The following SDK1 variants were observed in gnomAD, a reference collection of about 807,000 sequenced individuals.
SDK1 encodes sidekick cell adhesion molecule 1.
In SDK1, 157 loss-of-function variants were observed where a neutral mutation model predicts 245.5. That is an observed-to-expected ratio of 0.64 (90% CI 0.56 to 0.73). SDK1 has a LOEUF of 0.73. SDK1 is among the 30% of genes least tolerant of loss of function. The probability of loss-of-function intolerance (pLI) is 0.00; values close to 1 mark genes in which losing one functional copy is unlikely to be tolerated. For missense variants in SDK1, 3,583 were observed against 3,002.3 expected (o/e 1.19, Z -4.52); for synonymous variants, 1,647 against 1,278.5 (o/e 1.29, Z -6.15).
intron 4 of SDK1, among the ~76,000 whole-genome samples, chr7:3,712,695 C>G (rs552502946): frequency 2.0e-5 from 3 of 152,256 alleles, no homozygotes; most frequent in African/African-American, 7.2e-5. Context: ...TATGAACAGA[C>G]ATTTACTGGG....
Position 4,241,687 on chromosome 7 carries a change from C to T in SDK1, c.6131-106C>T, listed in dbSNP as rs141500044. On this transcript the variant is annotated intron_variant, in intron 42 of 44. Transcript: ENST00000404826. Reference sequence around the variant, plus strand: ...CAGGTATCCTCAGCTCTGGGCTCTGCGTGCAGCAGGACTCAGGAGCTGCCC... The same window carrying T: ...CAGGTATCCTCAGCTCTGGGCTCTGTGTGCAGCAGGACTCAGGAGCTGCCC... The T allele has an allele frequency of 1.2e-3, 1,695 of 1,399,020 alleles. 14 individuals carry two copies. In the African/African-American group the frequency reaches 0.021, roughly 17 times the overall value. 86.7% of individuals were successfully genotyped at this position (1,399,020 alleles called of 1,614,324 possible).
At chr7:3,766,843 G>T (rs1170177182) in intron 4 of SDK1, among the ~76,000 whole-genome samples, 2 of 152,166 alleles carry the variant, frequency 1.3e-5, no homozygotes, top group African/African-American at 4.8e-5. Flanking sequence ...TGGAATTAAA[G>T]ATATAAATGA....
At chr7:4,106,992 A>T (rs1350059725) in intron 22 of SDK1, among the ~76,000 whole-genome samples, 2 of 151,912 alleles carry the variant, frequency 1.3e-5, no homozygotes, top group Non-Finnish European at 2.9e-5. Flanking sequence ...GACTGAATCC[A>T]TACATGCCGA....
At chr7:3,626,520 C>A (rs1047164888) in intron 2 of SDK1, among the ~76,000 whole-genome samples, 2 of 152,220 alleles carry the variant, frequency 1.3e-5, no homozygotes, top group African/African-American at 4.8e-5. Flanking sequence ...GTCGAATTTG[C>A]TTGGTGCTGG....
intron 9 of SDK1, 56 bp from the exon 10 acceptor site, chr7:3,967,262 T>C: frequency 1.5e-6 from 2 of 1,359,726 alleles, no homozygotes; most frequent in Non-Finnish European, 2.1e-6. Flanking sequence ...TCTGCCAGGC[T>C]GATGTGAGCC....
rs193270614 is a variant in SDK1, at chr7:4,073,161, G to A, written c.3011-3837G>A. ...GGTACCCCCGCTCCTGGCTCCGGGC[G>A]CCTCTCTCCTCTCTCCTCTGGGAGC... On this transcript the variant is annotated intron_variant, in intron 20 of 44. Transcript: ENST00000404826. Among the ~76,000 whole-genome samples, 507 of 152,288 alleles carry A rather than the reference G, an allele frequency of 3.3e-3. 1 individual carries two copies. The highest frequency in any genetic ancestry group is 0.01 in the Middle Eastern group (3 of 294).
chr7:3,533,231 T>G (rs554195635), intron 1 of SDK1, among the ~76,000 whole-genome samples: 14 of 152,168 alleles, frequency 9.2e-5, no homozygotes, highest in Non-Finnish European at 1.8e-4. Flanking sequence ...AAGACTCTGA[T>G]TAGAATCCTA....
chr7:3,888,879 T>A (rs991144181), intron 5 of SDK1, among the ~76,000 whole-genome samples: 1 of 152,220 alleles, frequency 6.6e-6, no homozygotes, highest in Non-Finnish European at 1.5e-5. Context: ...TAATGTTTCA[T>A]TTTACTAGAA....
intron 1 of SDK1, among the ~76,000 whole-genome samples, chr7:3,484,316 G>A (rs1403926124): frequency 2.0e-5 from 3 of 151,986 alleles, no homozygotes; most frequent in African/African-American, 4.8e-5. Flanking sequence ...AACATAGATC[G>A]AAAATACATA....
At chr7:3,959,650 T>G (rs1781523284) in intron 8 of SDK1, among the ~76,000 whole-genome samples, 1 of 152,216 alleles carries the variant, frequency 6.6e-6, no homozygotes, top group South Asian at 2.1e-4. Flanking sequence ...CACCCACTTA[T>G]TAGTGAGAAC....
At chr7:3,344,706 G>A (rs1232334130) in intron 1 of SDK1, among the ~76,000 whole-genome samples, 1 of 152,184 alleles carries the variant, frequency 6.6e-6, no homozygotes, top group Non-Finnish European at 1.5e-5. Flanking sequence ...CTGATAGCAC[G>A]TTTCAATCAG....
At chr7:3,489,254 G>A (rs1781797291) in intron 1 of SDK1, among the ~76,000 whole-genome samples, 1 of 152,116 alleles carries the variant, frequency 6.6e-6, no homozygotes, top group Non-Finnish European at 1.5e-5. Flanking sequence ...TACTTTATTA[G>A]CCATAACAAT....
At chr7:3,690,707 C>T (rs927073799) in intron 4 of SDK1, among the ~76,000 whole-genome samples, 1 of 152,142 alleles carries the variant, frequency 6.6e-6, no homozygotes, top group African/African-American at 2.4e-5. Context: ...TTAATCTTAA[C>T]CCCCGTAACA....
intron 4 of SDK1, among the ~76,000 whole-genome samples, chr7:3,761,613 A>G (rs1471769320): frequency 6.6e-6 from 1 of 151,888 alleles, no homozygotes; most frequent in Non-Finnish European, 1.5e-5. Context: ...AGGTAGGGAA[A>G]AAAAGAAATA....
In SDK1 at chr7:4,148,064, G is replaced by A. The variant is rs530920246; in HGVS notation, c.4424-1198G>A. On this transcript the variant is annotated intron_variant, in intron 29 of 44. Coordinates refer to ENST00000404826, the MANE Select transcript of SDK1 (RefSeq NM_152744.4). ...GGGGCCCCCATCCTCCATCCTCGTGGCTCAGGGAGAGGGAATCCAAGAGAC... is the reference window on the plus strand; with the variant it reads ...GGGGCCCCCATCCTCCATCCTCGTGACTCAGGGAGAGGGAATCCAAGAGAC... Among the ~76,000 whole-genome samples the A allele has an allele frequency of 7.9e-5, 12 of 152,136 alleles. 1 individual carries two copies. The highest frequency in any genetic ancestry group is 8.8e-5 in the Non-Finnish European group (6 of 68,004).
At chr7:3,318,595 C>A (rs774326876) in intron 1 of SDK1, among the ~76,000 whole-genome samples, 4 of 152,168 alleles carry the variant, frequency 2.6e-5, no homozygotes, top group Non-Finnish European at 4.4e-5. Context: ...GACCTTTTGT[C>A]TTACCTTGGT....
intron 14 of SDK1, among the ~76,000 whole-genome samples, chr7:4,003,523 T>G (rs1486267432): frequency 6.6e-6 from 1 of 152,232 alleles, no homozygotes; most frequent in African/African-American, 2.4e-5. Flanking sequence ...GGATCTGTTT[T>G]GTAGAACGTC....
chr7:3,389,895 A>T (rs73296346), intron 1 of SDK1, among the ~76,000 whole-genome samples: 3,964 of 152,068 alleles, frequency 0.026, 162 homozygotes, highest in African/African-American at 0.083. Flanking sequence ...TGATTAAAAA[A>T]CCCCAGGTTG....
chr7:3,573,017 G>A (rs1254285936), intron 1 of SDK1, among the ~76,000 whole-genome samples: 1 of 152,052 alleles, frequency 6.6e-6, no homozygotes, highest in African/African-American at 2.4e-5. Flanking sequence ...GAGGGACAGT[G>A]CCAGGCCCCA....
Sources: gnomAD v4.1 joint callset for allele counts (sites outside exome capture counted in the v4.1 genomes callset) on GRCh38, gnomAD v4.1.1 for gene constraint, MANE v1.5 for transcripts, NCBI Gene and HGNC (gene_info 2026-07-23, HGNC 2026-07-21) for gene names.